The following TLN2 variants were observed in gnomAD, a reference collection of about 807,000 sequenced individuals.
The protein encoded by TLN2 is talin 2.
TLN2 carries 118 observed loss-of-function variants against 294.7 expected under a neutral mutation model. That is an observed-to-expected ratio of 0.40 (90% confidence interval 0.34 to 0.47). The LOEUF (loss-of-function observed/expected upper bound fraction) is 0.47. Among genes scored for constraint, TLN2 ranks in the 20% least tolerant of loss-of-function variants. The pLI, the probability that TLN2 is intolerant of heterozygous loss-of-function variation, is 0.84. For synonymous variants in TLN2, 1,431 were observed against 1,304.5 expected, an observed-to-expected ratio of 1.10 and a Z score of -2.09; for missense variants, 3,083 against 3,282.2, an observed-to-expected ratio of 0.94 and a Z score of 1.48.
intron 1 of TLN2, among the ~76,000 whole-genome samples, chr15:62,451,604 C>G (rs957525537): frequency 6.6e-6 from 1 of 152,092 alleles, no homozygotes. Flanking sequence ...TGCAGTGAGC[C>G]GAGATTGTGC....
intron 1 of TLN2, among the ~76,000 whole-genome samples, chr15:62,490,933 C>T (rs1320348622): frequency 2.0e-5 from 3 of 152,150 alleles, no homozygotes; most frequent in East Asian, 1.9e-4. Context: ...GGGTACACAC[C>T]GTTGACATAG....
At chr15:62,736,698 G>C (rs1421864776) in intron 28 of TLN2, among the ~76,000 whole-genome samples, 180 bp from the exon 29 acceptor site, 1 of 152,198 alleles carries the variant, frequency 6.6e-6, no homozygotes, top group Admixed American at 6.5e-5. Flanking sequence ...TTGGCCCAGA[G>C]CCAGGGGGAT....
At position 62,708,764 on chromosome 15, in the gene TLN2, C is replaced by T. The variant is rs1276464451; in HGVS notation, c.2435C>T (p.Thr812Ile). Reference protein sequence around the residue: ...DQATDTIMCVTESIFSSMGDA... With the variant: ...DQATDTIMCVIESIFSSMGDA... ...GCTACTGACACCATCATGTGTGTCA[C>T]CGAGAGCATCTTCAGCTCCATGGGT... Residue 812 changes from threonine (T) to isoleucine (I), a missense_variant, in exon 21 of 59, where the codon ACC becomes ATC. Physicochemically the swap from Thr to Ile is moderately conservative, Grantham distance 89. Coordinates refer to ENST00000636159, the MANE Select transcript of TLN2 (RefSeq NM_015059.3). 6.2e-7 allele frequency: 1 copy of T among 1,606,408 alleles called. No homozygotes were observed. The highest frequency in any genetic ancestry group is 8.5e-7 in the Non-Finnish European group (1 of 1,179,904).
chr15:62,742,463 GCT>G (rs1384199207), intron 32 of TLN2, among the ~76,000 whole-genome samples: 2 of 152,078 alleles, frequency 1.3e-5, no homozygotes, highest in Non-Finnish European at 2.9e-5. Flanking sequence ...GCTTGGAATG[GCT>G]TCACTCTCCT....
At chr15:62,504,529 A>G (rs1049160752) in intron 1 of TLN2, among the ~76,000 whole-genome samples, 5 of 152,218 alleles carry the variant, frequency 3.3e-5, no homozygotes, top group Admixed American at 6.5e-5. Flanking sequence ...CCACACATGT[A>G]TGATCAATGG....
intron 57 of TLN2, among the ~76,000 whole-genome samples, chr15:62,836,459 C>T (rs973398099): frequency 6.6e-6 from 1 of 152,230 alleles, no homozygotes; most frequent in African/African-American, 2.4e-5. Flanking sequence ...TACTGTAGGT[C>T]TGTCTGTGAG....
chr15:62,718,341 C>T (rs2059914700), intron 24 of TLN2, among the ~76,000 whole-genome samples: 1 of 152,230 alleles, frequency 6.6e-6, no homozygotes, highest in African/African-American at 2.4e-5. Context: ...GTGGGTGGCA[C>T]ATCTGGCTGG....
chr15:62,449,903 A>G (rs1166868553), intron 1 of TLN2, among the ~76,000 whole-genome samples: 1 of 152,026 alleles, frequency 6.6e-6, no homozygotes, highest in Non-Finnish European at 1.5e-5. Flanking sequence ...TTCTGTCTTT[A>G]TTTTCTGAAA....
At chr15:62,572,847 G>A (rs183969871) in intron 1 of TLN2, among the ~76,000 whole-genome samples, 5 of 151,990 alleles carry the variant, frequency 3.3e-5, no homozygotes, top group South Asian at 2.1e-4. Context: ...TTGGAATCCC[G>A]CACTCTGTGC....
chr15:62,775,868 G>T (rs1258961130), intron 42 of TLN2, among the ~76,000 whole-genome samples: 1 of 152,230 alleles, frequency 6.6e-6, no homozygotes, highest in East Asian at 1.9e-4. Context: ...GCGAGGGCAT[G>T]ATTTCCTCCT....
At chr15:62,452,126 C>A (rs933532385) in intron 1 of TLN2, among the ~76,000 whole-genome samples, 1 of 130,044 alleles carries the variant, frequency 7.7e-6, no homozygotes, top group Non-Finnish European at 1.7e-5. Context: ...GGGGTGATGC[C>A]AAGGCCCTTG....
At chr15:62,574,953 C>CA (rs200122231) in intron 1 of TLN2, among the ~76,000 whole-genome samples, 5,114 of 151,580 alleles carry the variant, frequency 0.034, 114 homozygotes, top group Non-Finnish European at 0.049. Flanking sequence ...GGGAGATTGC[C>CA]AAAAAAAATG....
chr15:62,597,509 G>A (rs2046632363), intron 2 of TLN2, among the ~76,000 whole-genome samples: 2 of 152,068 alleles, frequency 1.3e-5, no homozygotes, highest in Admixed American at 6.5e-5. Flanking sequence ...TCACCCCATC[G>A]CCTCTCTCAG....
At chr15:62,751,693 T>G (rs560515086) in intron 34 of TLN2, among the ~76,000 whole-genome samples, 1 of 152,318 alleles carries the variant, frequency 6.6e-6, no homozygotes, top group Non-Finnish European at 1.5e-5. Flanking sequence ...GGGCACCCTG[T>G]ACCTGCCCAT....
intron 15 of TLN2, among the ~76,000 whole-genome samples, chr15:62,698,090 T>C (rs949290086): frequency 1.3e-5 from 2 of 152,230 alleles, no homozygotes; most frequent in African/African-American, 4.8e-5. Flanking sequence ...GCTCTTAACA[T>C]GACTTGTGTA....
chr15:62,548,328 T>A (rs531763559), intron 1 of TLN2, among the ~76,000 whole-genome samples: 29 of 152,280 alleles, frequency 1.9e-4, no homozygotes, highest in African/African-American at 7.0e-4. Context: ...TTTATGTATG[T>A]CCTAAGAGAA....
rs2053162998 is a variant in TLN2, at chr15:62,655,948, T to G, written c.522T>G (p.Asn174Lys). Residue 174 changes from asparagine (N) to lysine (K), a missense_variant, in exon 8 of 59, where the codon AAT becomes AAG. Transcript: ENST00000636159. ...KAKLHTDDDL[N>K]WLDHSRTFRE... is the part of the protein sequence containing the mutation. ...ATATGTCTTGTTGTGTTGCAGTAAA[T>G]TGGCTGGATCACAGCCGAACATTCA... 1 of 1,614,210 alleles carries G rather than the reference T, an allele frequency of 6.2e-7. No homozygotes were observed. The highest frequency in any genetic ancestry group is 8.5e-7 in the Non-Finnish European group (1 of 1,180,044).
chr15:62,547,942 C>T (rs1264576664), intron 1 of TLN2, among the ~76,000 whole-genome samples: 2 of 152,162 alleles, frequency 1.3e-5, no homozygotes, highest in Non-Finnish European at 2.9e-5. Context: ...AGGTCTAAAT[C>T]GCATTTTGCA....
At position 62,716,952 on chromosome 15, in the gene TLN2, T is replaced by A. The variant is rs542419191; in HGVS notation, c.2763+493T>A. 1.5e-4 allele frequency among the ~76,000 whole-genome samples: 23 copies of A among 151,884 alleles called. No individual in the cohort carries two copies. The South Asian group carries it at 1.7e-3, about 11-fold the overall frequency. On this transcript the variant is annotated intron_variant, in intron 23 of 58. Coordinates refer to ENST00000636159, the MANE Select transcript of TLN2 (RefSeq NM_015059.3). ...GGCAAAAACTATGTTTTTTTTTTTT[T>A]TAAAAAGTTTGTCTGACAAATGCAC...
Sources: allele counts gnomAD v4.1 joint callset (sites outside exome capture counted in the v4.1 genomes callset), GRCh38; gene constraint gnomAD v4.1.1; transcripts MANE v1.5; gene names NCBI Gene and HGNC (gene_info 2026-07-23, HGNC 2026-07-21).